RFX3: variants seen among roughly 807,000 people sequenced by gnomAD.
RFX3 encodes the protein regulatory factor X3.
Under a neutral mutation model 98.6 loss-of-function variants are expected in RFX3, and 14 were observed. The observed-to-expected ratio is 0.14, with a 90% CI of 0.09 to 0.22. The LOEUF is 0.22. Among genes scored for constraint, RFX3 ranks in the 10% least tolerant of loss-of-function variants. The pLI is 1.00. For missense variants in RFX3, 639 were observed against 926.9 expected (o/e 0.69, Z 4.03); for synonymous variants, 383 against 328.4 (o/e 1.17, Z -1.80).
chr9:3,438,555 G>A (rs576056458), intron 1 of RFX3, among the ~76,000 whole-genome samples: 1 of 152,112 alleles, frequency 6.6e-6, no homozygotes, highest in Admixed American at 6.6e-5. Flanking sequence ...AAATGCCAAT[G>A]ATCTAAATAC....
rs563827820 is a variant in RFX3, at chr9:3,482,957, G to A, written c.-9+42790C>T. Among the ~76,000 whole-genome samples the A allele has an allele frequency of 2.6e-5, 4 of 152,132 alleles. No individual in the cohort carries two copies. The South Asian group carries it at 8.3e-4, about 32-fold the overall frequency. ...TAATGGGAATTCTCAATTAGCTATG[G>A]GTAGACTATCCACAACCAATCTTGC... On this transcript the variant is annotated intron_variant, in intron 1 of 16. Transcript: ENST00000617270.
intron 2 of RFX3, among the ~76,000 whole-genome samples, chr9:3,386,977 T>A (rs541681272): frequency 6.3e-4 from 96 of 152,282 alleles, no homozygotes; most frequent in African/African-American, 2.2e-3. Context: ...GCAACACTGT[T>A]CCATATCCCT....
At position 3,257,285 on chromosome 9, in the gene RFX3, AG is replaced by A. The variant is rs1822260625; in HGVS notation, c.1606-87del. 3.8e-6 allele frequency: 4 copies of A among 1,056,254 alleles called. No homozygotes were observed. The South Asian group carries it at 5.8e-5, about 15-fold the overall frequency. 65.4% of individuals were successfully genotyped at this position (1,056,254 alleles called of 1,614,324 possible). On this transcript the variant is annotated intron_variant, in intron 13 of 16. Coordinates refer to ENST00000617270, the MANE Select transcript of RFX3 (RefSeq NM_001282116.2). Reference sequence around the variant, plus strand: ...CAGCACACACACTAGATGCAAGAACAGAAAATTATAATAAAAGCTTCACACA... The same window carrying A: ...CAGCACACACACTAGATGCAAGAACAAAAATTATAATAAAAGCTTCACACA...
intron 1 of RFX3, among the ~76,000 whole-genome samples, chr9:3,468,798 C>T (rs541450367): frequency 5.6e-5 from 8 of 144,142 alleles, no homozygotes; most frequent in African/African-American, 2.1e-4. Context: ...AGATTTTTAC[C>T]CGATTGTTTT....
At chr9:3,524,553 G>C in intron 1 of RFX3, 3 of 949,068 alleles carry the variant, frequency 3.2e-6, no homozygotes, top group Non-Finnish European at 2.5e-6. Context: ...AAAATGAGGA[G>C]ATTAAAAAAA....
At chr9:3,271,631 C>G (rs942182257) in intron 9 of RFX3, among the ~76,000 whole-genome samples, 3 of 151,854 alleles carry the variant, frequency 2.0e-5, no homozygotes, top group Admixed American at 1.3e-4. Flanking sequence ...CCTACCTATT[C>G]TAAGACCTGG....
intron 5 of RFX3, among the ~76,000 whole-genome samples, chr9:3,295,981 C>T (rs1464861934): frequency 6.6e-6 from 1 of 151,876 alleles, no homozygotes; most frequent in Non-Finnish European, 1.5e-5. Context: ...GTGTACTAGT[C>T]TTCTTGCAAC....
chr9:3,412,592 G>A (rs934430937), intron 1 of RFX3, among the ~76,000 whole-genome samples: 2 of 152,068 alleles, frequency 1.3e-5, no homozygotes, highest in South Asian at 4.1e-4. Flanking sequence ...AAAGAAAGGT[G>A]CAAAGGGTGA....
chr9:3,360,660 A>C (rs889016898), intron 2 of RFX3, among the ~76,000 whole-genome samples: 1 of 152,184 alleles, frequency 6.6e-6, no homozygotes, highest in African/African-American at 2.4e-5. Context: ...CAAATATTCT[A>C]TTACAAATAC....
chr9:3,225,188 C>G lies in RFX3; in HGVS notation c.2104G>C (p.Ala702Pro), dbSNP rs376315262. 20 of 1,613,780 alleles carry G rather than the reference C, an allele frequency of 1.2e-5. No individual in the cohort carries two copies. Among genetic ancestry groups the G allele is most frequent in the Non-Finnish European group, 1.6e-5 (19 of 1,179,940 alleles). Residue 702 changes from alanine to proline, a missense_variant, in exon 17 of 17, where the codon GCA (alanine) becomes CCA (proline). By Grantham distance (27) the Ala-to-Pro change is conservative. Around this residue, in one of 9 missense-constraint regions of RFX3, gnomAD observed 129 missense variants for 124.6 expected, o/e 1.04. Coordinates refer to ENST00000617270, the MANE Select transcript of RFX3 (RefSeq NM_001282116.2). ...AKREKTELSQ[A>P]FPVGCMQPVL... ...GGCTGCATGCAGCCCACTGGAAATGCCTGGCTCAGCTCTGTTTTCTCTCTT... is the reference window on the plus strand; with the variant it reads ...GGCTGCATGCAGCCCACTGGAAATGGCTGGCTCAGCTCTGTTTTCTCTCTT...
At chr9:3,373,755 G>C (rs1428268452) in intron 2 of RFX3, among the ~76,000 whole-genome samples, 1 of 152,012 alleles carries the variant, frequency 6.6e-6, no homozygotes. Context: ...ATTAGGAAGA[G>C]AGAAAGAAAA....
At chr9:3,283,110 T>A (rs1301408658) in intron 7 of RFX3, among the ~76,000 whole-genome samples, 3 of 151,686 alleles carry the variant, frequency 2.0e-5, no homozygotes, top group African/African-American at 7.3e-5. Flanking sequence ...ACCAGGGAAT[T>A]AATGTCTAGG....
intron 7 of RFX3, 100 bp downstream of exon 7, chr9:3,288,031 G>C (rs1826864026): frequency 8.2e-6 from 9 of 1,103,216 alleles, no homozygotes; most frequent in African/African-American, 1.6e-5. Flanking sequence ...CCAACAATAA[G>C]AACGTTCTTT....
At chr9:3,479,432 T>C (rs1343352092) in intron 1 of RFX3, among the ~76,000 whole-genome samples, 2 of 152,116 alleles carry the variant, frequency 1.3e-5, no homozygotes, top group Admixed American at 1.3e-4. Flanking sequence ...ATACTTAAAA[T>C]TTTTAGATCA....
At chr9:3,420,018 G>A (rs928328243) in intron 1 of RFX3, among the ~76,000 whole-genome samples, 6 of 152,096 alleles carry the variant, frequency 3.9e-5, no homozygotes, top group African/African-American at 1.2e-4. Context: ...GTTTGTCATC[G>A]TCGCACGTGA....
intron 1 of RFX3, among the ~76,000 whole-genome samples, chr9:3,485,580 G>A (rs1337479667): frequency 6.6e-6 from 1 of 152,152 alleles, no homozygotes; most frequent in African/African-American, 2.4e-5. Context: ...TATTTTTAAA[G>A]TGTACATAAT....
At chr9:3,378,251 G>C (rs1838766066) in intron 2 of RFX3, among the ~76,000 whole-genome samples, 1 of 152,068 alleles carries the variant, frequency 6.6e-6, no homozygotes, top group African/African-American at 2.4e-5. Context: ...TACTCATTCT[G>C]CCCTTTTCTT....
At chr9:3,241,434 A>T (rs780027738) in intron 15 of RFX3, among the ~76,000 whole-genome samples, 5 of 152,180 alleles carry the variant, frequency 3.3e-5, no homozygotes, top group African/African-American at 1.2e-4. Flanking sequence ...GCCCAGAGCC[A>T]GCAGGGAAGA....
At chr9:3,430,671 T>C (rs903519038) in intron 1 of RFX3, among the ~76,000 whole-genome samples, 2 of 152,192 alleles carry the variant, frequency 1.3e-5, no homozygotes, top group African/African-American at 4.8e-5. Context: ...ATGTTTTATA[T>C]ATCAGACTTC....
Sources: gnomAD v4.1 joint callset for allele counts (sites outside exome capture counted in the v4.1 genomes callset) on GRCh38, gnomAD v4.1.1 for gene constraint, gnomAD v4.1.1 regional missense constraint, MANE v1.5 for transcripts, NCBI Gene and HGNC (gene_info 2026-07-23, HGNC 2026-07-21) for gene names.